Variants in FHOD3 observed in about 807,000 individuals in gnomAD.
The protein encoded by FHOD3 is FH1/FH2 domain-containing protein 3.
FHOD3 carries 90 observed loss-of-function variants against 173.0 expected under a neutral mutation model. The ratio of observed to expected loss-of-function variants is 0.52; its 90% CI spans 0.44 to 0.62. FHOD3 has a LOEUF of 0.62. FHOD3 is among the 20% of genes least tolerant of loss of function. The pLI, the probability that FHOD3 is intolerant of heterozygous loss-of-function variation, is 0.00. For synonymous variants in FHOD3, 828 were observed against 823.0 expected (o/e 1.01, Z -0.10); for missense variants, 1,945 against 2,034.7 (o/e 0.96, Z 0.85).
intron 1 of FHOD3, among the ~76,000 whole-genome samples, chr18:36,321,076 A>AAT (rs2044370058): frequency 6.8e-6 from 1 of 148,108 alleles, no homozygotes. Context: ...ATTTCCTGTG[A>AAT]TTTTTTTTTT....
At chr18:36,391,607 A>T (rs2048303081) in intron 3 of FHOD3, among the ~76,000 whole-genome samples, 1 of 152,152 alleles carries the variant, frequency 6.6e-6, no homozygotes, top group African/African-American at 2.4e-5. Context: ...TGCCTGGCTG[A>T]GCCCTGGGTT....
rs73948091 is a variant in FHOD3 at position 36,616,805 on chromosome 18, G to A, written c.957+4710G>A. ...ATAATCATATTACTAAATCAGAATT[G>A]GCTAATCAGAGATCTTTCCCAGTTA... On this transcript the variant is annotated intron_variant, in intron 9 of 28. Transcript: ENST00000590592. 5.2e-3 allele frequency among the ~76,000 whole-genome samples: 799 copies of A among 152,268 alleles called. 10 individuals are homozygous for A. The highest frequency in any genetic ancestry group is 0.018 in the African/African-American group (761 of 41,540).
At chr18:36,338,343 T>C (rs1200863678) in intron 1 of FHOD3, among the ~76,000 whole-genome samples, 1 of 152,192 alleles carries the variant, frequency 6.6e-6, no homozygotes, top group African/African-American at 2.4e-5. Context: ...CTGGGGCTGC[T>C]GTAAAGGACA....
chr18:36,735,049 G>A (rs1028136317), intron 20 of FHOD3, among the ~76,000 whole-genome samples: 8 of 152,026 alleles, frequency 5.3e-5, no homozygotes, highest in Non-Finnish European at 8.8e-5. Flanking sequence ...CAAGTAAAAT[G>A]GCATCAAATT....
At chr18:36,444,873 T>A (rs2143973856) in intron 3 of FHOD3, among the ~76,000 whole-genome samples, 1 of 152,366 alleles carries the variant, frequency 6.6e-6, no homozygotes, top group Non-Finnish European at 1.5e-5. Flanking sequence ...TTTAATATTT[T>A]GCAATTACAA....
intron 11 of FHOD3, among the ~76,000 whole-genome samples, chr18:36,651,387 G>C (rs894350734): frequency 6.6e-6 from 1 of 152,112 alleles, no homozygotes; most frequent in Non-Finnish European, 1.5e-5. Context: ...AAATATCCAA[G>C]GGTCTAAACC....
At chr18:36,493,116 C>T (rs2054550380) in intron 3 of FHOD3, among the ~76,000 whole-genome samples, 1 of 152,064 alleles carries the variant, frequency 6.6e-6, no homozygotes, top group South Asian at 2.1e-4. Context: ...CCCTGCAGTT[C>T]ACAGAATGTC....
intron 9 of FHOD3, among the ~76,000 whole-genome samples, chr18:36,620,276 T>TG (rs2033600160): frequency 1.3e-5 from 2 of 152,216 alleles, no homozygotes; most frequent in Admixed American, 6.5e-5. Context: ...GCAGGTTCTT[T>TG]GGGGAACTTT....
chr18:36,532,081 G>C (rs1004624358), intron 5 of FHOD3, among the ~76,000 whole-genome samples: 3 of 152,174 alleles, frequency 2.0e-5, no homozygotes, highest in Non-Finnish European at 4.4e-5. Flanking sequence ...ATCTCCCTGC[G>C]GCGTGGCTTT....
chr18:36,406,091 T>G (rs1457080923), intron 3 of FHOD3, among the ~76,000 whole-genome samples: 241 of 140,908 alleles, frequency 1.7e-3, no homozygotes, highest in African/African-American at 6.7e-3. Flanking sequence ...TTGTTTTTGT[T>G]TTTGTTTTTT....
intron 5 of FHOD3, among the ~76,000 whole-genome samples, chr18:36,515,550 T>C (rs2055923276): frequency 6.6e-6 from 1 of 152,170 alleles, no homozygotes; most frequent in Non-Finnish European, 1.5e-5. Context: ...CTGACCTGAA[T>C]CAGAAAGGTG....
At chr18:36,488,220 ACATGATTGATG>A (rs2054287338) in intron 3 of FHOD3, among the ~76,000 whole-genome samples, 1 of 152,228 alleles carries the variant, frequency 6.6e-6, no homozygotes, top group African/African-American at 2.4e-5. Context: ...CTGCACAGTG[ACATGATTGATG>A]CTGGGTTGTT....
At chr18:36,393,886 C>T (rs1335792096) in intron 3 of FHOD3, among the ~76,000 whole-genome samples, 1 of 152,106 alleles carries the variant, frequency 6.6e-6, no homozygotes, top group African/African-American at 2.4e-5. Context: ...CTAGTTAATC[C>T]ACTTGGATCC....
At chr18:36,715,009 C>G (rs1183548553) in intron 18 of FHOD3, among the ~76,000 whole-genome samples, 1 of 152,126 alleles carries the variant, frequency 6.6e-6, no homozygotes, top group Non-Finnish European at 1.5e-5. Flanking sequence ...GAATGAAGCT[C>G]CCAATGCTGA....
chr18:36,715,227 C>T (rs9652997), intron 18 of FHOD3, among the ~76,000 whole-genome samples: 3 of 152,036 alleles, frequency 2.0e-5, no homozygotes, highest in South Asian at 2.1e-4. Context: ...GAATCATGGG[C>T]GTGGTTTCCC....
At chr18:36,374,589 A>G (rs903704812) in intron 3 of FHOD3, among the ~76,000 whole-genome samples, 1 of 152,250 alleles carries the variant, frequency 6.6e-6, no homozygotes, top group African/African-American at 2.4e-5. Context: ...ATAACTATAA[A>G]AGGCGAGGGG....
chr18:36,499,564 T>C (rs1324144054), intron 3 of FHOD3, among the ~76,000 whole-genome samples: 1 of 152,200 alleles, frequency 6.6e-6, no homozygotes, highest in Non-Finnish European at 1.5e-5. Flanking sequence ...AAAAACAAAG[T>C]CTTTTTCTCT....
intron 3 of FHOD3, among the ~76,000 whole-genome samples, chr18:36,381,817 C>T (rs1018875344): frequency 1.3e-5 from 2 of 152,202 alleles, no homozygotes; most frequent in African/African-American, 4.8e-5. Context: ...AAGAAGAATA[C>T]AAGGCAGTAG....
At chr18:36,363,019 T>C (rs1296809238) in intron 2 of FHOD3, among the ~76,000 whole-genome samples, 1 of 152,138 alleles carries the variant, frequency 6.6e-6, no homozygotes, top group African/African-American at 2.4e-5. Flanking sequence ...GACATTCAGA[T>C]GGTAAATAAG....
Sources: gnomAD v4.1 joint callset for allele counts (sites outside exome capture counted in the v4.1 genomes callset) on GRCh38, gnomAD v4.1.1 for gene constraint, MANE v1.5 for transcripts, NCBI Gene and HGNC (gene_info 2026-07-23, HGNC 2026-07-21) for gene names.